Variants in DLGAP1 observed in about 807,000 individuals in gnomAD.
The protein encoded by DLGAP1 is DLG associated protein 1, also known as disks large-associated protein 1.
Under a neutral mutation model 90.8 loss-of-function variants are expected in DLGAP1, and 11 were observed. That is an observed-to-expected ratio of 0.12 (90% CI 0.08 to 0.20). The LOEUF (loss-of-function observed/expected upper bound fraction) is 0.20. Ranked by LOEUF, DLGAP1 falls within the 10% of genes least tolerant of loss-of-function variation. The pLI, the probability that DLGAP1 is intolerant of heterozygous loss-of-function variation, is 1.00. For missense variants in DLGAP1, 1,050 were observed against 1,333.8 expected (o/e 0.79, Z 3.31); for synonymous variants, 558 against 540.7 (o/e 1.03, Z -0.44).
chr18:4,208,366 T>A (rs749727883), intron 1 of DLGAP1, among the ~76,000 whole-genome samples: 4 of 152,180 alleles, frequency 2.6e-5, no homozygotes, highest in Non-Finnish European at 4.4e-5. Flanking sequence ...TTGCATGAAA[T>A]AATAGGAAAC....
chr18:3,858,494 GTATATATACA>G (rs2069803301), intron 4 of DLGAP1, among the ~76,000 whole-genome samples: 1 of 147,112 alleles, frequency 6.8e-6, no homozygotes, highest in Admixed American at 6.8e-5. Flanking sequence ...ATATATACGT[GTATATATACA>G]TATATATACA....
chr18:3,538,980 A>T (rs1180302989), intron 9 of DLGAP1, among the ~76,000 whole-genome samples: 1 of 152,246 alleles, frequency 6.6e-6, no homozygotes, highest in Non-Finnish European at 1.5e-5. Context: ...AGTCACTCAG[A>T]AAGAAAAGTT....
chr18:3,918,711 C>A (rs1294389719), intron 3 of DLGAP1, among the ~76,000 whole-genome samples: 1 of 152,024 alleles, frequency 6.6e-6, no homozygotes, highest in African/African-American at 2.4e-5. Flanking sequence ...GGATCGTGGG[C>A]AGGAAGAGAA....
Position 4,074,351 on chromosome 18 carries a change from G to A in DLGAP1, c.-158-69150C>T, listed in dbSNP as rs143639810. Among the ~76,000 whole-genome samples, 963 of 152,128 alleles carry A rather than the reference G, an allele frequency of 6.3e-3. 6 individuals are homozygous for A. The highest frequency in any genetic ancestry group is 0.024 in the Middle Eastern group (7 of 294). On this transcript the variant is annotated intron_variant, in intron 2 of 12. Coordinates refer to ENST00000315677, the MANE Select transcript of DLGAP1 (RefSeq NM_004746.4). ...ATTATACATCATCTAAGGGCTTGAAGGAGTGCAGCAAGGTTCTCTCACTTA... is the reference window on the plus strand; with the variant it reads ...ATTATACATCATCTAAGGGCTTGAAAGAGTGCAGCAAGGTTCTCTCACTTA...
chr18:3,664,607 G>A (rs1054369280), intron 7 of DLGAP1, among the ~76,000 whole-genome samples: 3 of 152,064 alleles, frequency 2.0e-5, no homozygotes, highest in Admixed American at 6.6e-5. Context: ...TTCTCCCTGA[G>A]CCTCTAGATT....
chr18:4,355,203 T>C (rs1270496806), intron 1 of DLGAP1, among the ~76,000 whole-genome samples: 1 of 152,196 alleles, frequency 6.6e-6, no homozygotes, highest in African/African-American at 2.4e-5. Flanking sequence ...TTACTCATAA[T>C]AGCCAAAAAC....
intron 7 of DLGAP1, among the ~76,000 whole-genome samples, chr18:3,695,118 A>AT (rs553292964): frequency 4.0e-5 from 6 of 150,778 alleles, no homozygotes; most frequent in Non-Finnish European, 7.4e-5. Flanking sequence ...TTTTTTCTGT[A>AT]TTTTTTTAGT....
At chr18:4,432,780 C>A (rs1214650907) in intron 1 of DLGAP1, among the ~76,000 whole-genome samples, 3 of 152,134 alleles carry the variant, frequency 2.0e-5, no homozygotes. Flanking sequence ...CCTCTCTATG[C>A]CCCTCACCAG....
At chr18:3,562,204 G>A (rs886666874) in intron 9 of DLGAP1, among the ~76,000 whole-genome samples, 4 of 151,998 alleles carry the variant, frequency 2.6e-5, no homozygotes, top group African/African-American at 9.7e-5. Flanking sequence ...TCCAGCCTGG[G>A]CAACAAGAGC....
At chr18:4,404,050 C>T (rs372713248) in intron 1 of DLGAP1, among the ~76,000 whole-genome samples, 4 of 152,140 alleles carry the variant, frequency 2.6e-5, no homozygotes, top group African/African-American at 9.7e-5. Flanking sequence ...TCAGGATCAG[C>T]GCCTGCAGAG....
intron 4 of DLGAP1, chr18:3,845,550 G>C (rs1050919746): frequency 2.0e-6 from 2 of 985,420 alleles, no homozygotes; most frequent in African/African-American, 3.5e-5. Context: ...ATTTTGCATA[G>C]CAGTTGTACT....
chr18:4,270,502 CATAAT>C (rs2079253153), intron 1 of DLGAP1, among the ~76,000 whole-genome samples: 1 of 152,124 alleles, frequency 6.6e-6, no homozygotes, highest in African/African-American at 2.4e-5. Flanking sequence ...TTAGTGATAA[CATAAT>C]ATTTTTCCAA....
intron 2 of DLGAP1, among the ~76,000 whole-genome samples, chr18:4,107,270 C>T (rs957776400): frequency 2.0e-5 from 3 of 152,180 alleles, no homozygotes; most frequent in Non-Finnish European, 4.4e-5. Flanking sequence ...TCTATAAGGC[C>T]TGACACTCCC....
chr18:4,098,871 T>C (rs1452985697), intron 2 of DLGAP1, among the ~76,000 whole-genome samples: 1 of 152,172 alleles, frequency 6.6e-6, no homozygotes, highest in African/African-American at 2.4e-5. Flanking sequence ...AGTCAGATAG[T>C]TTAAGTAAGT....
chr18:3,857,479 C>T lies in DLGAP1; in HGVS notation c.957+21633G>A, dbSNP rs2069722044. On this transcript the variant is annotated intron_variant, in intron 4 of 12. Transcript: ENST00000315677. ...TGACACAAAATGATTTTTACCCTAC[C>T]AGTTTAAGGAAACTCTTGGCATGTG... 2.0e-5 allele frequency among the ~76,000 whole-genome samples: 3 copies of T among 151,832 alleles called. No homozygotes were observed. The South Asian group carries it at 6.2e-4, about 32-fold the overall frequency.
At chr18:3,714,939 G>T (rs1221866741) in intron 7 of DLGAP1, among the ~76,000 whole-genome samples, 1 of 152,068 alleles carries the variant, frequency 6.6e-6, no homozygotes, top group Non-Finnish European at 1.5e-5. Flanking sequence ...GCCCAGTAAG[G>T]TTTTAAAATT....
chr18:4,049,199 C>T (rs1340717426), intron 2 of DLGAP1, among the ~76,000 whole-genome samples: 1 of 148,322 alleles, frequency 6.7e-6, no homozygotes, highest in African/African-American at 2.5e-5. Flanking sequence ...TGCACTCCAG[C>T]CTTGGCAGCA....
At chr18:3,846,651 G>T (rs1389271936) in intron 4 of DLGAP1, among the ~76,000 whole-genome samples, 1 of 152,150 alleles carries the variant, frequency 6.6e-6, no homozygotes, top group African/African-American at 2.4e-5. Flanking sequence ...CTATAACATG[G>T]ATAAATCTTA....
intron 10 of DLGAP1, among the ~76,000 whole-genome samples, chr18:3,528,041 GCGTGATTAGAATCTTC>G: frequency 6.6e-6 from 1 of 152,158 alleles, no homozygotes; most frequent in African/African-American, 2.4e-5. Flanking sequence ...AAAATAAATT[GCGTGATTAGAATCTTC>G]CGTTTTTTCC....
Sources: allele counts gnomAD v4.1 joint callset (sites outside exome capture counted in the v4.1 genomes callset), GRCh38; gene constraint gnomAD v4.1.1; transcripts MANE v1.5; gene names NCBI Gene and HGNC (gene_info 2026-07-23, HGNC 2026-07-21).